TMEM17: variants seen among roughly 807,000 people sequenced by gnomAD.
TMEM17 encodes transmembrane protein 17.
Under a neutral mutation model 19.1 loss-of-function variants are expected in TMEM17, and 15 were observed. The observed-to-expected ratio is 0.78, with a 90% confidence interval of 0.52 to 1.21. The LOEUF (loss-of-function observed/expected upper bound fraction) is 1.21, where lower values mean the gene tolerates loss of function less well. TMEM17 is among the 50% of genes most tolerant of loss of function. The pLI, the probability that TMEM17 is intolerant of heterozygous loss-of-function variation, is 0.00. For missense variants in TMEM17, 245 were observed against 242.3 expected, an observed-to-expected ratio of 1.01 and a Z score of -0.07; for synonymous variants, 103 against 86.9, an observed-to-expected ratio of 1.19 and a Z score of -1.03.
the TMEM17 span, among the ~76,000 whole-genome samples, chr2:62,471,097 C>T: frequency 3.9e-5 from 6 of 152,268 alleles, no homozygotes; most frequent in South Asian, 1.0e-3. Flanking sequence ...CCTTGGGCCC[C>T]GTGACCTGAG....
the TMEM17 span, among the ~76,000 whole-genome samples, chr2:62,462,452 G>A: frequency 4.1e-4 from 62 of 152,204 alleles, no homozygotes; most frequent in Admixed American, 1.6e-3. Context: ...CCCATAGGCC[G>A]CAGGGAAGAC....
chr2:62,491,010 C>T, the TMEM17 span, among the ~76,000 whole-genome samples: 6 of 122,042 alleles, frequency 4.9e-5, no homozygotes, highest in South Asian at 2.8e-4. Flanking sequence ...ACCCAGGAGG[C>T]GGAGGTTGCA....
the TMEM17 span, among the ~76,000 whole-genome samples, chr2:62,464,535 G>T: frequency 6.6e-6 from 1 of 152,178 alleles, no homozygotes; most frequent in Non-Finnish European, 1.5e-5. Context: ...CACTTCTGTG[G>T]TATTCTTGCC....
At chr2:62,502,223 C>G (rs1477285588) in intron 3 of TMEM17, 1 of 359,590 alleles carries the variant, frequency 2.8e-6, no homozygotes, top group African/African-American at 2.1e-5. Flanking sequence ...CACAACAAAC[C>G]TGTGAAGTAA....
chr2:62,473,474 G>A, the TMEM17 span, among the ~76,000 whole-genome samples: 1 of 152,098 alleles, frequency 6.6e-6, no homozygotes, highest in Non-Finnish European at 1.5e-5. Context: ...GTCCTTTCCT[G>A]GGAAAGTAGC....
chr2:62,467,141 G>A, the TMEM17 span, among the ~76,000 whole-genome samples: 5 of 151,748 alleles, frequency 3.3e-5, no homozygotes, highest in East Asian at 1.9e-4. Flanking sequence ...CCCAATTTAC[G>A]TATTATCCCA....
At chr2:62,491,370 A>C in the TMEM17 span, 1 of 152,252 alleles carries the variant, frequency 6.6e-6, no homozygotes, top group East Asian at 1.9e-4. Flanking sequence ...GAACCAGCCC[A>C]GGTTGGAAAT....
chr2:62,457,179 C>T, the TMEM17 span, among the ~76,000 whole-genome samples: 1 of 152,234 alleles, frequency 6.6e-6, no homozygotes, highest in Non-Finnish European at 1.5e-5. The surrounding 1 kb of genome is among the most constrained non-coding windows in gnomAD (Gnocchi z 4.2). Flanking sequence ...CGGGGATCGG[C>T]GACCCCGGGC....
chr2:62,457,032 T>TC, the TMEM17 span, among the ~76,000 whole-genome samples: 8,013 of 152,242 alleles, frequency 0.053, 725 homozygotes, highest in African/African-American at 0.18. This position sits in a 1 kb window ranked among gnomAD's most constrained non-coding sequence, Gnocchi z 4.2. Flanking sequence ...TCAGCCCCTT[T>TC]CCCGGGGCGG....
the TMEM17 span, among the ~76,000 whole-genome samples, chr2:62,455,966 ATTTTC>A: frequency 6.6e-6 from 1 of 152,050 alleles, no homozygotes; most frequent in Non-Finnish European, 1.5e-5. Flanking sequence ...GATTTTGTGC[ATTTTC>A]TTTTCATGTG....
the TMEM17 span, among the ~76,000 whole-genome samples, chr2:62,472,905 T>C: frequency 4.1e-4 from 62 of 152,330 alleles, 1 homozygote; most frequent in East Asian, 0.011. Flanking sequence ...TAAAGGCAAC[T>C]TTCTTAGAGC....
chr2:62,465,652 T>C, the TMEM17 span, among the ~76,000 whole-genome samples: 2 of 151,738 alleles, frequency 1.3e-5, no homozygotes, highest in Non-Finnish European at 2.9e-5. Context: ...CACATATAAA[T>C]AAGGTGCTTA....
chr2:62,460,902 T>C, the TMEM17 span, among the ~76,000 whole-genome samples: 8 of 152,196 alleles, frequency 5.3e-5, no homozygotes, highest in Non-Finnish European at 1.2e-4. Flanking sequence ...TTCTGTCTAG[T>C]GCAGGAGATG....
At position 62,501,066 on chromosome 2, in the gene TMEM17, A is replaced by C; in HGVS notation, c.*143T>G. On this transcript the variant is annotated 3_prime_UTR_variant, in exon 4 of 4. Coordinates refer to ENST00000335390, the MANE Select transcript of TMEM17 (RefSeq NM_198276.3). ...TTCATATACTGTACAAAGTTTCATCATTGCCCCCAACCTTGGAATTTCAGA... is the reference window on the plus strand; with the variant it reads ...TTCATATACTGTACAAAGTTTCATCCTTGCCCCCAACCTTGGAATTTCAGA... 1 of 929,122 alleles carries C rather than the reference A, an allele frequency of 1.1e-6. No homozygotes were observed. The highest frequency in any genetic ancestry group is 1.8e-5 in the South Asian group (1 of 55,686). The allele number at this position is 929,122 out of a possible 1,614,324, so 57.6% of individuals were successfully genotyped here.
At chr2:62,466,812 C>T in the TMEM17 span, among the ~76,000 whole-genome samples, 144 of 152,242 alleles carry the variant, frequency 9.5e-4, no homozygotes, top group African/African-American at 3.2e-3. Context: ...ATTTGACTTG[C>T]TATGTTTGGT....
downstream of TMEM17, among the ~76,000 whole-genome samples, chr2:62,496,012 G>A (rs1056914382): frequency 6.6e-6 from 1 of 151,804 alleles, no homozygotes; most frequent in Non-Finnish European, 1.5e-5. Context: ...TCCTTTTCCC[G>A]TCCCTTATCA....
chr2:62,504,152 G>T (rs944702435), intron 1 of TMEM17, among the ~76,000 whole-genome samples: 59 of 152,088 alleles, frequency 3.9e-4, no homozygotes, highest in African/African-American at 1.4e-3. Flanking sequence ...AAATAGTCAT[G>T]GTCTCTCACA....
chr2:62,498,736 T>G (rs952817614), downstream of TMEM17, among the ~76,000 whole-genome samples: 2 of 150,940 alleles, frequency 1.3e-5, no homozygotes, highest in Non-Finnish European at 2.9e-5. Flanking sequence ...TAAAATAAAA[T>G]AAAATAAAAT....
At chr2:62,490,633 TA>T in the TMEM17 span, among the ~76,000 whole-genome samples, 1 of 152,208 alleles carries the variant, frequency 6.6e-6, no homozygotes, top group African/African-American at 2.4e-5. Flanking sequence ...CTTAAAATTT[TA>T]AAACACTTTG....
Sources: allele counts gnomAD v4.1 joint callset (sites outside exome capture counted in the v4.1 genomes callset), GRCh38; gene constraint gnomAD v4.1.1; non-coding constraint Gnocchi (gnomAD v3.1); transcripts MANE v1.5; gene names NCBI Gene and HGNC (gene_info 2026-07-23, HGNC 2026-07-21).